Variants in AKAP7 observed in about 807,000 individuals in gnomAD.
The protein encoded by AKAP7 is A kinase (PRKA) anchor protein 7.
Under a neutral mutation model 39.5 loss-of-function variants are expected in AKAP7, and 39 were observed. The observed-to-expected ratio is 0.99, with a 90% confidence interval of 0.76 to 1.29. The LOEUF is 1.29. Ranked by LOEUF, AKAP7 falls within the 50% of genes most tolerant of loss-of-function variation. AKAP7 has a pLI of 0.00. For missense variants in AKAP7, 414 were observed against 407.7 expected, an observed-to-expected ratio of 1.02 and a Z score of -0.13; for synonymous variants, 140 against 139.1, an observed-to-expected ratio of 1.01 and a Z score of -0.05.
At chr6:131,226,289 C>T (rs923575913) in intron 7 of AKAP7, among the ~76,000 whole-genome samples, 9 of 152,274 alleles carry the variant, frequency 5.9e-5, no homozygotes, top group African/African-American at 1.7e-4. Context: ...CCATTGTATA[C>T]CTTTATGTGG....
chr6:131,214,224 G>A (rs989636758), intron 6 of AKAP7, among the ~76,000 whole-genome samples: 2 of 152,156 alleles, frequency 1.3e-5, no homozygotes, highest in African/African-American at 4.8e-5. Context: ...GTCAGTAGTA[G>A]ATTTAAAATG....
At chr6:131,250,201 T>C (rs753934364) in intron 7 of AKAP7, 10 of 1,004,044 alleles carry the variant, frequency 1.0e-5, no homozygotes, top group Non-Finnish European at 1.2e-5. Context: ...CATTGTGGTT[T>C]TTCTCGACTA....
intron 7 of AKAP7, among the ~76,000 whole-genome samples, chr6:131,259,814 T>TAA (rs1166163879): frequency 6.6e-6 from 1 of 152,222 alleles, no homozygotes; most frequent in Non-Finnish European, 1.5e-5. Flanking sequence ...AATTTTATTT[T>TAA]AAGTTCTGGG....
intron 2 of AKAP7, among the ~76,000 whole-genome samples, chr6:131,151,002 A>G (rs1263603837): frequency 1.3e-5 from 2 of 152,088 alleles, no homozygotes; most frequent in African/African-American, 4.8e-5. Flanking sequence ...CCTCCAGCAC[A>G]TTGCTAAATG....
At chr6:131,185,402 G>A in intron 5 of AKAP7, 1 of 513,188 alleles carries the variant, frequency 1.9e-6, no homozygotes, top group Admixed American at 2.4e-5. Flanking sequence ...ACAGAGGTGG[G>A]CATTGTAATT....
intron 2 of AKAP7, among the ~76,000 whole-genome samples, chr6:131,157,956 T>G (rs905461620): frequency 6.6e-6 from 1 of 152,226 alleles, no homozygotes; most frequent in African/African-American, 2.4e-5. Context: ...TACCCCATTT[T>G]GTAGGTCTTA....
intron 7 of AKAP7, among the ~76,000 whole-genome samples, chr6:131,275,739 T>G (rs1052451656): frequency 2.6e-5 from 4 of 152,180 alleles, no homozygotes; most frequent in Admixed American, 2.0e-4. Flanking sequence ...CCATGTGGTT[T>G]GGGGATTCCT....
At chr6:131,230,231 C>CT (rs1214182279) in intron 7 of AKAP7, among the ~76,000 whole-genome samples, 3 of 152,172 alleles carry the variant, frequency 2.0e-5, no homozygotes, top group Admixed American at 2.0e-4. Flanking sequence ...TAAGTGTTCC[C>CT]TTTTCTCTGC....
chr6:131,281,665 G>A lies in AKAP7; in HGVS notation c.986G>A (p.Ser329Asn), dbSNP rs752454205. 1.3e-5 allele frequency: 21 copies of A among 1,613,058 alleles called. No individual in the cohort carries two copies. Among genetic ancestry groups the A allele is most frequent in the Non-Finnish European group, 1.8e-5 (21 of 1,179,628 alleles). ...TQNKNKPGEG[S>N]SVKTEAADQN... Reference sequence around the variant, plus strand: ...AATAAAAACAAGCCGGGGGAGGGGAGCTCTGTGAAAACCGAAGCAGCTGAT... The same window carrying A: ...AATAAAAACAAGCCGGGGGAGGGGAACTCTGTGAAAACCGAAGCAGCTGAT... The change falls in exon 8 of 8, where the codon AGC becomes AAC. Residue 329 changes from serine (S) to asparagine (N), a missense_variant. By Grantham distance (46) the Ser-to-Asn change is conservative. Transcript: ENST00000431975. The surrounding 1 kb of genome is among the most constrained non-coding windows in gnomAD (Gnocchi z 4.0).
chr6:131,191,456 AC>A (rs1253255559), intron 5 of AKAP7, among the ~76,000 whole-genome samples: 1 of 152,060 alleles, frequency 6.6e-6, no homozygotes, highest in Admixed American at 6.5e-5. Flanking sequence ...CTTATGCTGG[AC>A]TTGTCTTTCT....
chr6:131,221,197 T>C (rs914546190), intron 7 of AKAP7, among the ~76,000 whole-genome samples: 2 of 152,222 alleles, frequency 1.3e-5, no homozygotes, highest in Non-Finnish European at 1.5e-5. Context: ...ATTGCTGATA[T>C]GGAAAAAGTT....
intron 2 of AKAP7, among the ~76,000 whole-genome samples, chr6:131,159,154 C>T (rs903778059): frequency 1.1e-3 from 160 of 152,152 alleles, no homozygotes; most frequent in African/African-American, 3.6e-3. Flanking sequence ...ACTGCAGTGG[C>T]GCCATCTCGG....
intron 7 of AKAP7, 120 bp downstream of exon 7, chr6:131,219,928 ATAT>A: frequency 1.5e-6 from 1 of 686,088 alleles, no homozygotes; most frequent in Non-Finnish European, 2.2e-6. Flanking sequence ...ACTTTCCTAA[ATAT>A]TATGTTTTGA....
intron 2 of AKAP7, among the ~76,000 whole-genome samples, chr6:131,147,215 C>CT (rs1801552018): frequency 6.6e-6 from 1 of 152,200 alleles, no homozygotes; most frequent in African/African-American, 2.4e-5. Context: ...GCCAGGGAAT[C>CT]TTTTTGTTTA....
chr6:131,242,115 G>C (rs1266492653), intron 7 of AKAP7: 1 of 983,756 alleles, frequency 1.0e-6, no homozygotes, highest in Non-Finnish European at 1.2e-6. Context: ...GAGCAACTGA[G>C]AAAACAACAG....
At chr6:131,276,900 A>G (rs956233699) in intron 7 of AKAP7, among the ~76,000 whole-genome samples, 4 of 152,130 alleles carry the variant, frequency 2.6e-5, no homozygotes, top group Non-Finnish European at 4.4e-5. Context: ...ATGTGACATC[A>G]GTTAAGCTGT....
At chr6:131,185,360 G>A in intron 5 of AKAP7, 1 of 526,378 alleles carries the variant, frequency 1.9e-6, no homozygotes, top group Non-Finnish European at 3.6e-6. Flanking sequence ...AGTCTGTGAG[G>A]CCAAGAAAGG....
At chr6:131,253,134 C>A in intron 7 of AKAP7, 1 of 1,596,260 alleles carries the variant, frequency 6.3e-7, no homozygotes, top group Non-Finnish European at 8.6e-7. Flanking sequence ...CTCCCCTCTC[C>A]TGCTGCTATT....
chr6:131,181,180 C>T (rs1288869791), intron 5 of AKAP7, among the ~76,000 whole-genome samples: 2 of 152,122 alleles, frequency 1.3e-5, no homozygotes, highest in Non-Finnish European at 2.9e-5. Flanking sequence ...AGGTGATCTG[C>T]CTGCCTCGGC....
Sources: allele counts gnomAD v4.1 joint callset (sites outside exome capture counted in the v4.1 genomes callset), GRCh38; gene constraint gnomAD v4.1.1; non-coding constraint Gnocchi (gnomAD v3.1); transcripts MANE v1.5; gene names NCBI Gene and HGNC (gene_info 2026-07-23, HGNC 2026-07-21).